The following LDLRAD4 variants were observed in gnomAD, a reference collection of about 807,000 sequenced individuals.
LDLRAD4 encodes the protein low-density lipoprotein receptor class A domain-containing protein 4.
In LDLRAD4, 5 loss-of-function variants were observed where a neutral mutation model predicts 17.0. That is an observed-to-expected ratio of 0.29 (90% CI 0.15 to 0.62). The LOEUF (loss-of-function observed/expected upper bound fraction) is 0.62, where lower values mean the gene tolerates loss of function less well. Ranked by LOEUF, LDLRAD4 falls within the 20% of genes least tolerant of loss-of-function variation. The pLI is 0.84. For synonymous variants in LDLRAD4, 168 were observed against 171.8 expected (o/e 0.98, Z 0.17); for missense variants, 340 against 424.7 (o/e 0.80, Z 1.75).
chr18:13,437,727 G>A (rs998183885), intron 2 of LDLRAD4, among the ~76,000 whole-genome samples: 3 of 152,232 alleles, frequency 2.0e-5, no homozygotes, highest in African/African-American at 7.2e-5. Flanking sequence ...GAACATCAGA[G>A]AGGTGAAATA....
intron 1 of LDLRAD4, among the ~76,000 whole-genome samples, chr18:13,342,638 G>T (rs957771600): frequency 1.3e-5 from 2 of 151,206 alleles, no homozygotes; most frequent in African/African-American, 4.9e-5. Context: ...CCTGATATTA[G>T]TATAGCCACC....
chr18:13,605,673 G>C (rs1568396227), intron 3 of LDLRAD4, among the ~76,000 whole-genome samples: 2 of 152,228 alleles, frequency 1.3e-5, no homozygotes, highest in Non-Finnish European at 2.9e-5. Flanking sequence ...GCCATGCCCA[G>C]GAGGACAGTG....
At chr18:13,612,870 GAGA>G (rs2039733324) in intron 3 of LDLRAD4, 1 of 1,410,886 alleles carries the variant, frequency 7.1e-7, no homozygotes, top group African/African-American at 1.4e-5. Flanking sequence ...CTGAGAAGAG[GAGA>G]AGCTCTTTCT....
chr18:13,477,070 C>T (rs2092958568), intron 3 of LDLRAD4, among the ~76,000 whole-genome samples: 1 of 152,140 alleles, frequency 6.6e-6, no homozygotes, highest in African/African-American at 2.4e-5. Flanking sequence ...AGACTGAACT[C>T]ATGGTAATGA....
intron 1 of LDLRAD4, among the ~76,000 whole-genome samples, chr18:13,289,900 G>T (rs2045866791): frequency 6.6e-6 from 1 of 152,188 alleles, no homozygotes; most frequent in Non-Finnish European, 1.5e-5. Context: ...TGATATTGGG[G>T]GCTCCTGGAA....
chr18:13,346,560 TGGG>T (rs2082701917), intron 1 of LDLRAD4, among the ~76,000 whole-genome samples: 1 of 152,224 alleles, frequency 6.6e-6, no homozygotes, highest in African/African-American at 2.4e-5. Context: ...TCTGTTGATT[TGGG>T]GTGGAGAGTT....
chr18:13,351,083 T>A (rs2083010009), intron 1 of LDLRAD4, among the ~76,000 whole-genome samples: 1 of 152,198 alleles, frequency 6.6e-6, no homozygotes, highest in Non-Finnish European at 1.5e-5. Flanking sequence ...AGCTTTGTTC[T>A]TTTTGCTTAG....
intron 3 of LDLRAD4, among the ~76,000 whole-genome samples, chr18:13,540,742 T>G (rs2094268761): frequency 1.3e-5 from 2 of 152,258 alleles, no homozygotes; most frequent in Admixed American, 1.3e-4. Context: ...CCACGCATGT[T>G]AGTTACAGCG....
intron 1 of LDLRAD4, among the ~76,000 whole-genome samples, chr18:13,312,601 G>A (rs1348788401): frequency 1.3e-5 from 2 of 152,092 alleles, no homozygotes; most frequent in Non-Finnish European, 2.9e-5. Flanking sequence ...AATTAGCCTG[G>A]TATGATGACA....
At position 13,577,357 on chromosome 18, in the gene LDLRAD4, G is replaced by A. The variant is rs187756603; in HGVS notation, c.182-43760G>A. 2.2e-4 allele frequency among the ~76,000 whole-genome samples: 34 copies of A among 152,214 alleles called. No individual in the cohort carries two copies. In the East Asian group the frequency reaches 6.2e-3, roughly 28 times the overall value. ...AATGGAGGATTGAGGACCCTGCAGC[G>A]GCAGTCCTGAGTCTCCAAGCGCGGC... On this transcript the variant is annotated intron_variant, in intron 3 of 5. Transcript: ENST00000359446.
intron 2 of LDLRAD4, among the ~76,000 whole-genome samples, chr18:13,392,633 C>T (rs182848459): frequency 1.6e-3 from 246 of 152,326 alleles, no homozygotes; most frequent in African/African-American, 5.8e-3. Flanking sequence ...TGTCACCGTA[C>T]ACATCCTAAA....
intron 1 of LDLRAD4, among the ~76,000 whole-genome samples, chr18:13,341,013 C>T (rs2082345278): frequency 6.6e-6 from 1 of 152,108 alleles, no homozygotes; most frequent in Non-Finnish European, 1.5e-5. Context: ...CCCTGGCACC[C>T]TTCAAAAATT....
intron 3 of LDLRAD4, among the ~76,000 whole-genome samples, chr18:13,443,451 T>C (rs1169093895): frequency 6.6e-6 from 1 of 152,200 alleles, no homozygotes; most frequent in Non-Finnish European, 1.5e-5. Context: ...ATTTTTTCCC[T>C]ATAATTATTG....
chr18:13,516,512 C>T (rs2093868987), intron 3 of LDLRAD4, among the ~76,000 whole-genome samples: 1 of 152,184 alleles, frequency 6.6e-6, no homozygotes, highest in South Asian at 2.1e-4. Context: ...TGGTAGCGCC[C>T]TCCTTCACAA....
At chr18:13,404,356 C>T (rs915397745) in intron 2 of LDLRAD4, among the ~76,000 whole-genome samples, 5 of 152,332 alleles carry the variant, frequency 3.3e-5, no homozygotes, top group African/African-American at 1.2e-4. Context: ...GAGTGGAGTG[C>T]CGCGACGGTG....
intron 1 of LDLRAD4, among the ~76,000 whole-genome samples, chr18:13,220,039 A>G (rs2041364506): frequency 6.6e-6 from 1 of 151,448 alleles, no homozygotes; most frequent in Non-Finnish European, 1.5e-5. Flanking sequence ...AGGATGTCTG[A>G]GTATTACCCA....
At chr18:13,492,767 C>G (rs926647433) in intron 3 of LDLRAD4, among the ~76,000 whole-genome samples, 5 of 152,180 alleles carry the variant, frequency 3.3e-5, no homozygotes, top group Admixed American at 6.5e-5. Flanking sequence ...GCCATACCCC[C>G]CTTCCTCATT....
At chr18:13,441,831 T>G (rs962111367) in intron 3 of LDLRAD4, among the ~76,000 whole-genome samples, 2 of 152,236 alleles carry the variant, frequency 1.3e-5, no homozygotes, top group African/African-American at 4.8e-5. Flanking sequence ...GGGTTTCATC[T>G]GCCTTTTGCC....
chr18:13,643,657 T>C (rs2042817464), intron 5 of LDLRAD4, among the ~76,000 whole-genome samples: 2 of 152,252 alleles, frequency 1.3e-5, no homozygotes, highest in Non-Finnish European at 2.9e-5. Flanking sequence ...CACTTATCTT[T>C]ACATGATCCC....
Sources: allele counts gnomAD v4.1 joint callset (sites outside exome capture counted in the v4.1 genomes callset), GRCh38; gene constraint gnomAD v4.1.1; transcripts MANE v1.5; gene names NCBI Gene and HGNC (gene_info 2026-07-23, HGNC 2026-07-21).